The following KLF14 variants were observed in gnomAD, a reference collection of about 807,000 sequenced individuals.
KLF14 encodes the protein Krueppel-like factor 14.
Under a neutral mutation model 16.2 loss-of-function variants are expected in KLF14, and 13 were observed. The ratio of observed to expected loss-of-function variants is 0.80; its 90% CI spans 0.52 to 1.28. The LOEUF (loss-of-function observed/expected upper bound fraction) is 1.28, where lower values mean the gene tolerates loss of function less well. Ranked by LOEUF, KLF14 falls within the 50% of genes most tolerant of loss-of-function variation. The pLI is 0.00. For missense variants in KLF14, 571 were observed against 493.4 expected (o/e 1.16, Z -1.49); for synonymous variants, 276 against 233.7 (o/e 1.18, Z -1.65).
Position 130,733,967 on chromosome 7 carries a change from C to T in KLF14, c.67G>A (p.Ala23Thr). 2 of 1,375,420 alleles carry T rather than the reference C, an allele frequency of 1.5e-6. No individual in the cohort carries two copies. Among genetic ancestry groups the T allele is most frequent in the South Asian group, 1.5e-5 (1 of 68,650 alleles). 85.2% of individuals were successfully genotyped at this position (1,375,420 alleles called of 1,614,324 possible). Residue 23 changes from alanine (A) to threonine (T), a missense_variant, in exon 1 of 1, where the codon GCC becomes ACC. Physicochemically the swap from Ala to Thr is moderately conservative, Grantham distance 58. Coordinates refer to ENST00000583337, the MANE Select transcript of KLF14 (RefSeq NM_138693.4). The surrounding 1 kb of genome is among the most constrained non-coding windows in gnomAD (Gnocchi z 5.2). ...TCCGGCGGGCGGCGGTGAACCACGG[C>T]GCCCGCGGACATGGACACCAGGCAC... ...AECLVSMSAG[A>T]VVHRRPPDPE...
rs1797188413 is a variant in KLF14 at position 130,731,576 on chromosome 7, C to T, written c.*1486G>A. ...AAATAGGGGAAAGCAATTTGTTTAACCAGATGCCCGTTAGGGTCCTATGAG... is the reference window on the plus strand; with the variant it reads ...AAATAGGGGAAAGCAATTTGTTTAATCAGATGCCCGTTAGGGTCCTATGAG... On this transcript the variant is annotated 3_prime_UTR_variant, in exon 1 of 1. Transcript: ENST00000583337. 6.6e-6 allele frequency: 1 copy of T among 152,188 alleles called. No homozygotes were observed. Among genetic ancestry groups the T allele is most frequent in the Non-Finnish European group, 1.5e-5 (1 of 68,074 alleles). 9.4% of individuals were successfully genotyped at this position (152,188 alleles called of 1,614,324 possible).
At position 130,731,919 on chromosome 7, in the gene KLF14, A is replaced by G. The variant is rs1486447930; in HGVS notation, c.*1143T>C. On this transcript the variant is annotated 3_prime_UTR_variant, in exon 1 of 1. Transcript: ENST00000583337. ...ATTTCATAATAGCTATCACCTTGCT[A>G]CTCCTTCCTCAAATCCAAGGCAGCC... 4 of 151,978 alleles carry G rather than the reference A, an allele frequency of 2.6e-5. No individual in the cohort carries two copies. The highest frequency in any genetic ancestry group is 2.0e-4 in the Admixed American group (3 of 15,262). The allele number at this position is 151,978 out of a possible 1,614,324, so 9.4% of individuals were successfully genotyped here. A position where few individuals can be genotyped will look rare whatever the true frequency, so the allele number is the denominator to read the frequency against.
rs1290008964 is a variant in KLF14 at position 130,732,765 on chromosome 7, G to A, written c.*297C>T. 3.4e-6 allele frequency: 1 copy of A among 291,226 alleles called. No individual in the cohort carries two copies. The highest frequency in any genetic ancestry group is 6.4e-6 in the Non-Finnish European group (1 of 156,066). The allele number at this position is 291,226 out of a possible 1,614,324, so 18.0% of individuals were successfully genotyped here. On this transcript the variant is annotated 3_prime_UTR_variant, in exon 1 of 1. Transcript: ENST00000583337. ...TTCACATCCCTGGTTCCAGGGAGGG[G>A]AGAATCTTCAGTACTCTGGAGAGTA... is the stretch of plus-strand genomic sequence containing the variant.
Position 130,733,283 on chromosome 7 carries a change from C to T in KLF14, c.751G>A (p.Gly251Ser). 6.2e-7 allele frequency: 1 copy of T among 1,613,868 alleles called. No homozygotes were observed. The highest frequency in any genetic ancestry group is 1.1e-5 in the South Asian group (1 of 91,018). The change falls in exon 1 of 1, where the codon GGC (glycine) becomes AGC (serine). Residue 251 changes from glycine to serine, a missense_variant. Transcript: ENST00000583337. This position sits in a 1 kb window ranked among gnomAD's most constrained non-coding sequence, Gnocchi z 5.2. ...AGGGGGCAGGAGAAGCGCTTCTCGC[C>T]CGTGTGCGTCCTGTAGTGGCGGGCC... is the stretch of plus-strand genomic sequence containing the variant. ...ELARHYRTHT[G>S]EKRFSCPLCP...
Position 130,732,920 on chromosome 7 carries a change from C to G in KLF14, c.*142G>C. 9.3e-7 allele frequency: 1 copy of G among 1,079,550 alleles called. No homozygotes were observed. Among genetic ancestry groups the G allele is most frequent in the South Asian group, 1.7e-5 (1 of 58,328 alleles). 66.9% of individuals were successfully genotyped at this position (1,079,550 alleles called of 1,614,324 possible). A position where few individuals can be genotyped will look rare whatever the true frequency, so the allele number is the denominator to read the frequency against. ...CAGTACCTCCCCAGAGTCCACATGTCTGCCTGGACCCACCCTCAGAGCAGA... is the reference window on the plus strand; with the variant it reads ...CAGTACCTCCCCAGAGTCCACATGTGTGCCTGGACCCACCCTCAGAGCAGA... On this transcript the variant is annotated 3_prime_UTR_variant, in exon 1 of 1. Coordinates refer to ENST00000583337, the MANE Select transcript of KLF14 (RefSeq NM_138693.4).
rs1797234015 is a variant in KLF14 at position 130,733,514 on chromosome 7, CTGCCCCTAG to C, written c.511_519del (p.Leu171_Ala173del). 6.3e-7 allele frequency: 1 copy of C among 1,588,582 alleles called. No individual in the cohort carries two copies. Among genetic ancestry groups the C allele is most frequent in the Non-Finnish European group, 8.6e-7 (1 of 1,168,306 alleles). On this transcript the variant is annotated inframe_deletion, in exon 1 of 1. Coordinates refer to ENST00000583337, the MANE Select transcript of KLF14 (RefSeq NM_138693.4). This position sits in a 1 kb window ranked among gnomAD's most constrained non-coding sequence, Gnocchi z 5.2. The stretch of plus-strand genomic sequence containing the variant: ...GCCTGATCCGCGGCGGGGGCGGGGC[CTGCCCCTAG>C]GGCCCCTCCAGAGAACCCACCAGAG...
Position 130,733,635 on chromosome 7 carries a change from G to A in KLF14, c.399C>T (p.Ser133=), listed in dbSNP as rs1554470985. 6.5e-6 allele frequency: 10 copies of A among 1,543,668 alleles called. No homozygotes were observed. Among genetic ancestry groups the A allele is most frequent in the East Asian group, 2.4e-5 (1 of 41,434 alleles). Residue 133 remains serine (S), a synonymous_variant, in exon 1 of 1, where the codon TCC becomes TCT. Transcript: ENST00000583337. The surrounding 1 kb of genome is among the most constrained non-coding windows in gnomAD (Gnocchi z 5.2). ...CGGGAGCGCAGACCGCCGCGGCGCC[G>A]GAGGCGGGAGCCAGCTCGGAGCACG... ...QTPCSELAPA[S]GAAAVCAPES... is the part of the protein sequence containing the mutation.
Position 130,733,544 on chromosome 7 carries a change from C to A in KLF14, c.490G>T (p.Gly164Cys). The change falls in exon 1 of 1, where the codon GGT becomes TGT. Residue 164 changes from glycine to cysteine, a missense_variant. Physicochemically the swap from Gly to Cys is radical, Grantham distance 159. Transcript: ENST00000583337. The surrounding 1 kb of genome is among the most constrained non-coding windows in gnomAD (Gnocchi z 5.2). ...PAAPGAPAAS[G>C]GFSGGALGAG... ...CCTAGGGCCCCTCCAGAGAACCCAC[C>A]AGAGGCTGCTGGTGCGCCCGGGGCA... The A allele has an allele frequency of 6.4e-7, 1 of 1,564,194 alleles. No individual in the cohort carries two copies. Among genetic ancestry groups the A allele is most frequent in the South Asian group, 1.2e-5 (1 of 85,842 alleles).
In KLF14 at chr7:130,730,704, G is replaced by A. The variant is rs1554470460; in HGVS notation, c.*2358C>T. On this transcript the variant is annotated 3_prime_UTR_variant, in exon 1 of 1. Transcript: ENST00000583337. ...ACCCAAATAAGGACACTATTTGGGA[G>A]CTTGAGAATCAAAAGTTATTTATCA... 6.6e-6 allele frequency among the ~76,000 whole-genome samples: 1 copy of A among 152,198 alleles called. No individual in the cohort carries two copies. Among genetic ancestry groups the A allele is most frequent in the Non-Finnish European group, 1.5e-5 (1 of 68,032 alleles).
At position 130,734,082 on chromosome 7, in the gene KLF14, G is replaced by T; in HGVS notation, c.-49C>A. The T allele has an allele frequency of 2.7e-6, 3 of 1,120,324 alleles. No individual in the cohort carries two copies. The highest frequency in any genetic ancestry group is 3.3e-6 in the Non-Finnish European group (3 of 905,112). The allele number at this position is 1,120,324 out of a possible 1,614,324, so 69.4% of individuals were successfully genotyped here. Reference sequence around the variant, plus strand: ...GAGCGCCGTCCGAACGCGGCCGGCCGCGGGCGACGGAGTTCCCGGGAGCGT... The same window carrying T: ...GAGCGCCGTCCGAACGCGGCCGGCCTCGGGCGACGGAGTTCCCGGGAGCGT... On this transcript the variant is annotated 5_prime_UTR_variant, in exon 1 of 1. Transcript: ENST00000583337. This position sits in a 1 kb window ranked among gnomAD's most constrained non-coding sequence, Gnocchi z 4.4.
Position 130,733,688 on chromosome 7 carries a change from C to A in KLF14, c.346G>T (p.Asp116Tyr). The A allele has an allele frequency of 6.4e-7, 1 of 1,572,210 alleles. No individual in the cohort carries two copies. The highest frequency in any genetic ancestry group is 8.6e-7 in the Non-Finnish European group (1 of 1,164,124). Residue 116 changes from aspartate to tyrosine, a missense_variant, in exon 1 of 1, where the codon GAC becomes TAC. Transcript: ENST00000583337. This position sits in a 1 kb window ranked among gnomAD's most constrained non-coding sequence, Gnocchi z 5.2. ...EAPRASSGFS[D>Y]PIPCSVQTPC... ...GTCTGGACGGAGCACGGGATCGGGTCGGAGAAGCCGGACGAGGCGCGTGGA... is the reference window on the plus strand; with the variant it reads ...GTCTGGACGGAGCACGGGATCGGGTAGGAGAAGCCGGACGAGGCGCGTGGA...
In KLF14 at chr7:130,730,895, G is replaced by A. The variant is rs1797178623; in HGVS notation, c.*2167C>T. On this transcript the variant is annotated 3_prime_UTR_variant, in exon 1 of 1. Coordinates refer to ENST00000583337, the MANE Select transcript of KLF14 (RefSeq NM_138693.4). ...GGACCCCCAATGCCCTAGCTATCCAGCCCTAGCTGAAGAGACAAACAGAGC... is the reference window on the plus strand; with the variant it reads ...GGACCCCCAATGCCCTAGCTATCCAACCCTAGCTGAAGAGACAAACAGAGC... Among the ~76,000 whole-genome samples the A allele has an allele frequency of 6.6e-6, 1 of 152,180 alleles. No homozygotes were observed. Among genetic ancestry groups the A allele is most frequent in the Admixed American group, 6.5e-5 (1 of 15,284 alleles).
In KLF14 at chr7:130,731,574, A is replaced by G. The variant is rs1477019476; in HGVS notation, c.*1488T>C. 2 of 152,246 alleles carry G rather than the reference A, an allele frequency of 1.3e-5. No homozygotes were observed. The highest frequency in any genetic ancestry group is 2.9e-5 in the Non-Finnish European group (2 of 68,086). The allele number at this position is 152,246 out of a possible 1,614,324, so 9.4% of individuals were successfully genotyped here. ...CAAAATAGGGGAAAGCAATTTGTTT[A>G]ACCAGATGCCCGTTAGGGTCCTATG... On this transcript the variant is annotated 3_prime_UTR_variant, in exon 1 of 1. Coordinates refer to ENST00000583337, the MANE Select transcript of KLF14 (RefSeq NM_138693.4).
In KLF14 at chr7:130,732,421, T is replaced by C. The variant is rs994169696; in HGVS notation, c.*641A>G. ...GACTCACACCCCAGACATCAAGAAG[T>C]ATCTCCCAGCCACACATCTACATGG... On this transcript the variant is annotated 3_prime_UTR_variant, in exon 1 of 1. Coordinates refer to ENST00000583337, the MANE Select transcript of KLF14 (RefSeq NM_138693.4). 1.3e-5 allele frequency: 2 copies of C among 152,218 alleles called. No homozygotes were observed. Among genetic ancestry groups the C allele is most frequent in the Admixed American group, 6.5e-5 (1 of 15,278 alleles). The allele number at this position is 152,218 out of a possible 1,614,324, so 9.4% of individuals were successfully genotyped here.
rs1554470823 is a variant in KLF14 at position 130,733,240 on chromosome 7, G to T, written c.794C>A (p.Ser265Tyr). 1.9e-6 allele frequency: 3 copies of T among 1,611,578 alleles called. No individual in the cohort carries two copies. The highest frequency in any genetic ancestry group is 1.7e-6 in the Non-Finnish European group (2 of 1,178,984). ...ATGCTTGGTCAGGTGGTCGCTCCGGGAGAACTGCTTGGGGCAGAGGGGGCA... is the reference window on the plus strand; with the variant it reads ...ATGCTTGGTCAGGTGGTCGCTCCGGTAGAACTGCTTGGGGCAGAGGGGGCA... Reference protein sequence around the residue: ...FSCPLCPKQFSRSDHLTKHAR... With the variant: ...FSCPLCPKQFYRSDHLTKHAR... Residue 265 changes from serine to tyrosine, a missense_variant, in exon 1 of 1, where the codon TCC becomes TAC. Ser to Tyr is a moderately radical substitution (Grantham distance 144). Coordinates refer to ENST00000583337, the MANE Select transcript of KLF14 (RefSeq NM_138693.4). This position sits in a 1 kb window ranked among gnomAD's most constrained non-coding sequence, Gnocchi z 5.2.
chr7:130,734,011 A>G lies in KLF14; in HGVS notation c.23T>C (p.Leu8Pro). 1 of 1,338,346 alleles carries G rather than the reference A, an allele frequency of 7.5e-7. No homozygotes were observed. Among genetic ancestry groups the G allele is most frequent in the Non-Finnish European group, 9.6e-7 (1 of 1,039,426 alleles). The allele number at this position is 1,338,346 out of a possible 1,614,324, so 82.9% of individuals were successfully genotyped here. A position where few individuals can be genotyped will look rare whatever the true frequency, so the allele number is the denominator to read the frequency against. The change falls in exon 1 of 1, where the codon CTG (leucine) becomes CCG (proline). Residue 8 changes from leucine (L) to proline (P), a missense_variant. Leu to Pro is a moderately conservative substitution (Grantham distance 98). Transcript: ENST00000583337. The surrounding 1 kb of genome is among the most constrained non-coding windows in gnomAD (Gnocchi z 4.4). The part of the protein sequence containing the change: MSAAVAC[L>P]DYFAAECLVS... ...CAGGCACTCGGCGGCGAAGTAGTCC[A>G]GGCACGCCACGGCGGCCGACATGCT...
rs1797189428 is a variant in KLF14, at chr7:130,731,669, A to C, written c.*1393T>G. ...AATATTCAGGAGGGGGCCAGAGGGG[A>C]TCTCCCAGGGCAGGAAATGCCTTTC... is the stretch of plus-strand genomic sequence containing the variant. On this transcript the variant is annotated 3_prime_UTR_variant, in exon 1 of 1. Coordinates refer to ENST00000583337, the MANE Select transcript of KLF14 (RefSeq NM_138693.4). The C allele has an allele frequency of 6.6e-6, 1 of 152,362 alleles. No individual in the cohort carries two copies. The highest frequency in any genetic ancestry group is 1.5e-5 in the Non-Finnish European group (1 of 68,256). The allele number at this position is 152,362 out of a possible 1,614,324, so 9.4% of individuals were successfully genotyped here. A position where few individuals can be genotyped will look rare whatever the true frequency, so the allele number is the denominator to read the frequency against.
Position 130,733,930 on chromosome 7 carries a change from G to A in KLF14, c.104C>T (p.Ala35Val). 4.4e-6 allele frequency: 6 copies of A among 1,361,684 alleles called. No individual in the cohort carries two copies. The highest frequency in any genetic ancestry group is 5.7e-6 in the Non-Finnish European group (6 of 1,055,380). 84.4% of individuals were successfully genotyped at this position (1,361,684 alleles called of 1,614,324 possible). Residue 35 changes from alanine (A) to valine (V), a missense_variant, in exon 1 of 1, where the codon GCG becomes GTG. Ala to Val is a moderately conservative substitution (Grantham distance 64). Transcript: ENST00000583337. The surrounding 1 kb of genome is among the most constrained non-coding windows in gnomAD (Gnocchi z 5.2). ...CACCTCCGAGCCAGCGGCTCCACCC[G>A]CGCCCTCGGGGTCCGGCGGGCGGCG... ...VHRRPPDPEG[A>V]GGAAGSEVGA...
In KLF14 at chr7:130,733,440, G is replaced by A; in HGVS notation, c.594C>T (p.Pro198=). The A allele has an allele frequency of 6.2e-7, 1 of 1,614,012 alleles. No homozygotes were observed. Among genetic ancestry groups the A allele is most frequent in the Non-Finnish European group, 8.5e-7 (1 of 1,179,984 alleles). ...VTPAAKRHQC[P]FPGCTKAYYK... is the part of the protein sequence containing the mutation. ...AATAGGCTTTGGTGCAGCCCGGGAA[G>A]GGGCATTGGTGGCGCTTGGCAGCAG... The change falls in exon 1 of 1, where the codon CCC becomes CCT. Residue 198 remains proline (P), a synonymous_variant. Coordinates refer to ENST00000583337, the MANE Select transcript of KLF14 (RefSeq NM_138693.4). This position sits in a 1 kb window ranked among gnomAD's most constrained non-coding sequence, Gnocchi z 5.2.
Sources: allele counts gnomAD v4.1 joint callset (sites outside exome capture counted in the v4.1 genomes callset), GRCh38; gene constraint gnomAD v4.1.1; non-coding constraint Gnocchi (gnomAD v3.1); transcripts MANE v1.5; gene names NCBI Gene and HGNC (gene_info 2026-07-23, HGNC 2026-07-21).